The following IL1RAPL2 variants were observed in gnomAD, a reference collection of about 807,000 sequenced individuals.
The protein encoded by IL1RAPL2 is interleukin 1 receptor accessory protein like 2.
In IL1RAPL2, 3 loss-of-function variants were observed where a neutral mutation model predicts 44.1. That is an observed-to-expected ratio of 0.07 (90% confidence interval 0.03 to 0.18). The LOEUF (loss-of-function observed/expected upper bound fraction) is 0.18, where lower values mean the gene tolerates loss of function less well. Among genes scored for constraint, IL1RAPL2 ranks in the 10% least tolerant of loss-of-function variants. The pLI is 1.00. For missense variants in IL1RAPL2, 391 were observed against 496.4 expected, an observed-to-expected ratio of 0.79 and a Z score of 2.02; for synonymous variants, 181 against 178.8, an observed-to-expected ratio of 1.01 and a Z score of -0.10.
Position 104,701,376 on chromosome X carries a change from A to G in IL1RAPL2, c.82+42381A>G, listed in dbSNP as rs918503468. 4.5e-5 allele frequency among the ~76,000 whole-genome samples: 5 copies of G among 111,840 alleles called. No individual in the cohort carries two copies. In the Admixed American group the frequency reaches 4.8e-4, roughly 11 times the overall value. ...TAGTAAGTGGCAAAGCCAGAATTCA[A>G]GCTCGGGTGGTTTGAATTCAGAGGC... On this transcript the variant is annotated intron_variant, in intron 2 of 10. Transcript: ENST00000372582.
intron 2 of IL1RAPL2, among the ~76,000 whole-genome samples, chrX:104,879,756 T>C (rs1440721460): frequency 9.0e-6 from 1 of 111,589 alleles, no homozygotes; most frequent in African/African-American, 3.3e-5. Context: ...AGGTATGAGG[T>C]TAGCTATCAT....
At chrX:105,728,240 T>C (rs1438501890) in intron 7 of IL1RAPL2, among the ~76,000 whole-genome samples, 1 of 111,909 alleles carries the variant, frequency 8.9e-6, no homozygotes, top group Non-Finnish European at 1.9e-5. Flanking sequence ...GTCTCCGAAA[T>C]GTTGCCTTCT....
At chrX:105,728,574 G>C (rs191209972) in intron 7 of IL1RAPL2, among the ~76,000 whole-genome samples, 1 of 111,314 alleles carries the variant, frequency 9.0e-6, no homozygotes, top group Non-Finnish European at 1.9e-5. Flanking sequence ...GAAGTTAACA[G>C]ATAAGAGGAT....
At chrX:105,532,453 G>A (rs781471730) in intron 6 of IL1RAPL2, among the ~76,000 whole-genome samples, 141 of 110,178 alleles carry the variant, frequency 1.3e-3, no homozygotes, top group African/African-American at 4.2e-3. Context: ...TTTATCCTTA[G>A]AATATACTCA....
intron 5 of IL1RAPL2, among the ~76,000 whole-genome samples, chrX:105,412,048 A>G (rs2035700384): frequency 9.0e-6 from 1 of 111,576 alleles, no homozygotes. Flanking sequence ...ACATAGTCCT[A>G]AGTAACCAGT....
chrX:105,057,012 C>T (rs761785765), intron 2 of IL1RAPL2, among the ~76,000 whole-genome samples: 5 of 111,516 alleles, frequency 4.5e-5, no homozygotes, highest in South Asian at 3.8e-4. Context: ...ATGACCATGA[C>T]GTTCTGAATG....
At chrX:105,417,869 A>G (rs184010172) in intron 5 of IL1RAPL2, among the ~76,000 whole-genome samples, 1 of 111,937 alleles carries the variant, frequency 8.9e-6, no homozygotes, top group Non-Finnish European at 1.9e-5. Flanking sequence ...TATGACACGT[A>G]TGCTTACACC....
intron 9 of IL1RAPL2, among the ~76,000 whole-genome samples, chrX:105,751,615 A>G (rs2038598204): frequency 8.9e-6 from 1 of 111,838 alleles, no homozygotes; most frequent in Admixed American, 9.5e-5. Flanking sequence ...ATTGATTCCA[A>G]ATTCATTGTT....
At chrX:104,684,685 GC>G (rs1930950985) in intron 2 of IL1RAPL2, among the ~76,000 whole-genome samples, 1 of 112,381 alleles carries the variant, frequency 8.9e-6, no homozygotes, top group Admixed American at 9.4e-5. Context: ...AAGATGATTG[GC>G]AGTACAATTG....
At position 104,793,047 on chromosome X, in the gene IL1RAPL2, G is replaced by C. The variant is rs1932833635; in HGVS notation, c.82+134052G>C. ...AGTTCTTTATTCAGAATGATTGGAG[G>C]TTATATTTTACACTTAACATTTTCC... On this transcript the variant is annotated intron_variant, in intron 2 of 10. Transcript: ENST00000372582. 2.7e-5 allele frequency among the ~76,000 whole-genome samples: 3 copies of C among 112,171 alleles called. No individual in the cohort carries two copies. The South Asian group carries it at 1.1e-3, about 42-fold the overall frequency.
intron 6 of IL1RAPL2, among the ~76,000 whole-genome samples, chrX:105,502,239 C>T (rs1467323577): frequency 8.9e-6 from 1 of 111,882 alleles, no homozygotes; most frequent in Non-Finnish European, 1.9e-5. Context: ...TATTTTTCTT[C>T]CATATAGTCC....
intron 2 of IL1RAPL2, among the ~76,000 whole-genome samples, chrX:104,827,708 C>T (rs751438945): frequency 8.9e-6 from 1 of 111,870 alleles, no homozygotes; most frequent in African/African-American, 3.2e-5. Flanking sequence ...AGGATAATAT[C>T]CTGAAGTGTG....
Position 105,387,040 on chromosome X carries a change from A to G in IL1RAPL2, c.698-97273A>G, listed in dbSNP as rs148563133. Among the ~76,000 whole-genome samples, 326 of 111,702 alleles carry G rather than the reference A, an allele frequency of 2.9e-3. 5 individuals carry two copies. Among genetic ancestry groups the G allele is most frequent in the Admixed American group, 0.027 (277 of 10,438 alleles). On this transcript the variant is annotated intron_variant, in intron 5 of 10. Coordinates refer to ENST00000372582, the MANE Select transcript of IL1RAPL2 (RefSeq NM_017416.2). Reference sequence around the variant, plus strand: ...CAGAATGGATGATACACATTTCACTATATATGTATATGCACTTATGTGCAC... The same window carrying G: ...CAGAATGGATGATACACATTTCACTGTATATGTATATGCACTTATGTGCAC...
At chrX:104,689,853 C>T (rs978670786) in intron 2 of IL1RAPL2, among the ~76,000 whole-genome samples, 14 of 111,784 alleles carry the variant, frequency 1.3e-4, no homozygotes, top group Non-Finnish European at 2.3e-4. Context: ...GTAATGACCT[C>T]AAAGGTATTT....
chrX:104,768,105 T>A (rs1371882494), intron 2 of IL1RAPL2, among the ~76,000 whole-genome samples: 1 of 112,000 alleles, frequency 8.9e-6, no homozygotes, highest in East Asian at 2.8e-4. Context: ...AATGTCTCAA[T>A]TTAGCTAATT....
chrX:104,831,843 C>G (rs1921615945), intron 2 of IL1RAPL2, among the ~76,000 whole-genome samples: 1 of 111,195 alleles, frequency 9.0e-6, no homozygotes, highest in Non-Finnish European at 1.9e-5. Context: ...GAGACTGTTC[C>G]TACATTTAAA....
chrX:104,802,390 A>T (rs904360701), intron 2 of IL1RAPL2, among the ~76,000 whole-genome samples: 4 of 110,371 alleles, frequency 3.6e-5, no homozygotes, highest in Admixed American at 1.9e-4. Context: ...GAAGAAAGAA[A>T]ATCAGTCCAC....
chrX:105,016,125 G>A (rs1003260684), intron 2 of IL1RAPL2, among the ~76,000 whole-genome samples: 1 of 111,074 alleles, frequency 9.0e-6, no homozygotes, highest in African/African-American at 3.3e-5. Context: ...GTCTGTTATT[G>A]GTGTATAGGA....
At chrX:105,539,551 GA>G (rs2036704233) in intron 6 of IL1RAPL2, among the ~76,000 whole-genome samples, 1 of 111,583 alleles carries the variant, frequency 9.0e-6, no homozygotes, top group Non-Finnish European at 1.9e-5. Context: ...TTAAATTTAA[GA>G]CCTTAAACAG....
Sources: gnomAD v4.1 joint callset for allele counts (sites outside exome capture counted in the v4.1 genomes callset) on GRCh38, gnomAD v4.1.1 for gene constraint, MANE v1.5 for transcripts, NCBI Gene and HGNC (gene_info 2026-07-23, HGNC 2026-07-21) for gene names.